ANKFY1: variants seen among roughly 807,000 people sequenced by gnomAD.
The protein encoded by ANKFY1 is ankyrin repeat and FYVE domain-containing protein 1.
A neutral mutation model predicts 128.3 loss-of-function variants in ANKFY1; 47 were observed. The ratio of observed to expected loss-of-function variants is 0.37; its 90% CI spans 0.29 to 0.47. ANKFY1 has a LOEUF of 0.47. ANKFY1 is among the 20% of genes least tolerant of loss of function. The probability of loss-of-function intolerance (pLI) is 1.00; values close to 1 mark genes in which losing one functional copy is unlikely to be tolerated. For missense variants in ANKFY1, 1,222 were observed against 1,510.6 expected, an observed-to-expected ratio of 0.81 and a Z score of 3.17; for synonymous variants, 553 against 601.6, an observed-to-expected ratio of 0.92 and a Z score of 1.18.
intron 1 of ANKFY1, among the ~76,000 whole-genome samples, chr17:4,258,261 C>T (rs1968223732): frequency 1.3e-5 from 2 of 152,186 alleles, no homozygotes; most frequent in Admixed American, 6.5e-5. Flanking sequence ...CGCGGTGGCT[C>T]ACGCCTGTAA....
intron 7 of ANKFY1, among the ~76,000 whole-genome samples, chr17:4,198,434 C>CAATCT (rs1301528633): frequency 6.6e-6 from 1 of 151,180 alleles, no homozygotes; most frequent in Admixed American, 6.6e-5. Context: ...TGCCGTGGTG[C>CAATCT]AATCTCAGCT....
At chr17:4,251,390 G>A (rs1200254181) in intron 1 of ANKFY1, among the ~76,000 whole-genome samples, 1 of 151,880 alleles carries the variant, frequency 6.6e-6, no homozygotes, top group Non-Finnish European at 1.5e-5. Context: ...AAAGCACTAT[G>A]ATCACATCTG....
chr17:4,227,408 C>T (rs1050142738), intron 3 of ANKFY1, among the ~76,000 whole-genome samples: 3 of 152,150 alleles, frequency 2.0e-5, no homozygotes, highest in Non-Finnish European at 4.4e-5. Context: ...AGTTTAACAT[C>T]TGTAATTCAT....
intron 7 of ANKFY1, among the ~76,000 whole-genome samples, chr17:4,201,158 G>A (rs1262026122): frequency 6.6e-6 from 1 of 152,140 alleles, no homozygotes; most frequent in East Asian, 1.9e-4. Flanking sequence ...AGCCTCCCAA[G>A]TAGCTAGGGG....
Position 4,242,345 on chromosome 17 carries a change from A to C in ANKFY1, c.114T>G (p.Ala38=). The change falls in exon 2 of 25, where the codon GCT becomes GCG. Residue 38 remains alanine (A), a synonymous_variant. Transcript: ENST00000341657. ...TGCTGCTCTCCTTGTTTGCCTGCGCAGCCAAGAGAGCGCAGCGCTTCTCTG... is the reference window on the plus strand; with the variant it reads ...TGCTGCTCTCCTTGTTTGCCTGCGCCGCCAAGAGAGCGCAGCGCTTCTCTG... ...AETEKRCALL[A]AQANKESSSE... is the part of the protein sequence containing the mutation. 1 of 1,602,514 alleles carries C rather than the reference A, an allele frequency of 6.2e-7. No homozygotes were observed. Among genetic ancestry groups the C allele is most frequent in the African/African-American group, 1.3e-5 (1 of 74,272 alleles).
intron 4 of ANKFY1, among the ~76,000 whole-genome samples, chr17:4,213,566 CTT>C (rs1173971536): frequency 8.1e-5 from 11 of 135,338 alleles, no homozygotes; most frequent in Admixed American, 7.5e-5. Context: ...ATATTTATTT[CTT>C]TTTTTTTTTT....
rs1375299088 is a variant in ANKFY1, at chr17:4,165,072, G to C, written c.*2707C>G. The stretch of plus-strand genomic sequence containing the variant: ...ATGACTGAAAGTTCAAAAGTCCTAA[G>C]TGTAGGCACTTAAGTTTATGGGAAA... On this transcript the variant is annotated 3_prime_UTR_variant, in exon 25 of 25. Coordinates refer to ENST00000341657, the MANE Select transcript of ANKFY1 (RefSeq NM_001330063.2). 6.6e-6 allele frequency: 1 copy of C among 152,348 alleles called. No homozygotes were observed. Among genetic ancestry groups the C allele is most frequent in the African/African-American group, 2.4e-5 (1 of 41,464 alleles). The allele number at this position is 152,348 out of a possible 1,614,324, so 9.4% of individuals were successfully genotyped here.
rs1343920650 is a variant in ANKFY1, at chr17:4,181,569, C to T, written c.2122-197G>A. Reference sequence around the variant, plus strand: ...AAAATTTGCTGTGTGCAAGTTCGTGCACTAGGTCCTGTGGGACAGACTTGG... The same window carrying T: ...AAAATTTGCTGTGTGCAAGTTCGTGTACTAGGTCCTGTGGGACAGACTTGG... On this transcript the variant is annotated intron_variant, in intron 15 of 24. Transcript: ENST00000341657. This position sits in a 1 kb window ranked among gnomAD's most constrained non-coding sequence, Gnocchi z 4.9. Among the ~76,000 whole-genome samples, 1 of 152,206 alleles carries T rather than the reference C, an allele frequency of 6.6e-6. No homozygotes were observed. The highest frequency in any genetic ancestry group is 1.5e-5 in the Non-Finnish European group (1 of 68,054).
chr17:4,244,817 C>T (rs187174852), intron 1 of ANKFY1, among the ~76,000 whole-genome samples: 2 of 152,240 alleles, frequency 1.3e-5, no homozygotes, highest in East Asian at 1.9e-4. Flanking sequence ...ACCCCATCTC[C>T]GAACTCCAGT....
chr17:4,209,875 C>T lies in ANKFY1; in HGVS notation c.531G>A (p.Leu177=). 1.2e-6 allele frequency: 2 copies of T among 1,614,062 alleles called. No individual in the cohort carries two copies. The highest frequency in any genetic ancestry group is 1.7e-6 in the Non-Finnish European group (2 of 1,179,928). The change falls in exon 5 of 25, where the codon CTG becomes CTA. Residue 177 remains leucine (L), a synonymous_variant. Coordinates refer to ENST00000341657, the MANE Select transcript of ANKFY1 (RefSeq NM_001330063.2). Reference sequence around the variant, plus strand: ...AGTAGTTCATCAGTGTGCTGGCATTCAGCTCCTCTGCCGTCTGGTAGAAGC... The same window carrying T: ...AGTAGTTCATCAGTGTGCTGGCATTTAGCTCCTCTGCCGTCTGGTAGAAGC... ...CIRFYQTAEE[L]NASTLMNYCA...
At chr17:4,244,767 C>T (rs1344714465) in intron 1 of ANKFY1, among the ~76,000 whole-genome samples, 2 of 152,106 alleles carry the variant, frequency 1.3e-5, no homozygotes, top group African/African-American at 4.8e-5. Context: ...TAAATCTGAT[C>T]GCTCTCCTCG....
At chr17:4,218,558 G>A (rs2060257739) in intron 3 of ANKFY1, among the ~76,000 whole-genome samples, 1 of 152,156 alleles carries the variant, frequency 6.6e-6, no homozygotes, top group Non-Finnish European at 1.5e-5. Context: ...ACCAGTGTGA[G>A]CAACATGGTG....
chr17:4,186,739 T>C (rs896764365), intron 11 of ANKFY1: 6 of 893,552 alleles, frequency 6.7e-6, no homozygotes, highest in East Asian at 1.2e-4. Flanking sequence ...CTCGGGGCTG[T>C]CTTCTGTTCC....
intron 16 of ANKFY1, 88 bp from the exon 17 acceptor site, chr17:4,179,965 T>C: frequency 2.6e-6 from 4 of 1,532,880 alleles, no homozygotes; most frequent in East Asian, 4.5e-5. Flanking sequence ...AGGAGCCTCA[T>C]CCAATCCAAC....
At chr17:4,251,625 A>T (rs1967837604) in intron 1 of ANKFY1, among the ~76,000 whole-genome samples, 1 of 151,344 alleles carries the variant, frequency 6.6e-6, no homozygotes, top group African/African-American at 2.4e-5. Context: ...ATAAACTGTT[A>T]AAAAAAAATT....
intron 1 of ANKFY1, among the ~76,000 whole-genome samples, chr17:4,258,865 T>C (rs1968263250): frequency 6.6e-6 from 1 of 152,246 alleles, no homozygotes; most frequent in Non-Finnish European, 1.5e-5. Flanking sequence ...CAAAAGTATT[T>C]TTCTGATCAA....
At chr17:4,217,713 C>T (rs776348276) in intron 3 of ANKFY1, among the ~76,000 whole-genome samples, 2 of 152,002 alleles carry the variant, frequency 1.3e-5, no homozygotes, top group Non-Finnish European at 2.9e-5. Context: ...GAGACAGGGT[C>T]TCACTACGTC....
intron 3 of ANKFY1, among the ~76,000 whole-genome samples, chr17:4,220,891 G>C (rs564417678): frequency 6.6e-6 from 1 of 152,360 alleles, no homozygotes; most frequent in South Asian, 2.1e-4. Context: ...AAAAGGAGTA[G>C]ACTCAGAAGA....
chr17:4,197,354 T>C lies in ANKFY1; in HGVS notation c.1103+19A>G. 6.2e-7 allele frequency: 1 copy of C among 1,613,210 alleles called. No homozygotes were observed. On this transcript the variant is annotated intron_variant, in intron 8 of 24. Transcript: ENST00000341657. ...TCTGAGAACAGTGCTAAGGGCACAG[T>C]GTCTGCTCCCCAGCTTACCTCCCCT...
Sources: allele counts gnomAD v4.1 joint callset (sites outside exome capture counted in the v4.1 genomes callset), GRCh38; gene constraint gnomAD v4.1.1; non-coding constraint Gnocchi (gnomAD v3.1); transcripts MANE v1.5; gene names NCBI Gene and HGNC (gene_info 2026-07-23, HGNC 2026-07-21).